Variants in CES3 observed in about 807,000 individuals in gnomAD.
CES3 encodes the protein carboxylesterase 3, also known as carboxylesterase 3 (brain).
Under a neutral mutation model 57.6 loss-of-function variants are expected in CES3, and 49 were observed. That is an observed-to-expected ratio of 0.85 (90% confidence interval 0.68 to 1.08). CES3 has a LOEUF of 1.08. Ranked by LOEUF, CES3 falls within the 50% of genes least tolerant of loss-of-function variation. The pLI is 0.00. For missense variants in CES3, 645 were observed against 742.0 expected (o/e 0.87, Z 1.52); for synonymous variants, 266 against 281.6 (o/e 0.94, Z 0.55).
intron 10 of CES3, 52 bp downstream of exon 10, chr16:66,971,371 C>G: frequency 6.3e-7 from 1 of 1,583,176 alleles, no homozygotes; most frequent in Non-Finnish European, 8.6e-7. Context: ...GGCCCAGGAG[C>G]TGGGTCATCA....
chr16:66,962,237 G>C (rs1017273849), intron 1 of CES3, among the ~76,000 whole-genome samples: 1 of 152,208 alleles, frequency 6.6e-6, no homozygotes, highest in African/African-American at 2.4e-5. Flanking sequence ...GCTGTATAAA[G>C]GAGGTGGTTG....
Position 66,974,992 on chromosome 16 carries a change from T to G in CES3, c.*1943T>G, listed in dbSNP as rs1045163952. The G allele has an allele frequency of 4.6e-5, 7 of 152,160 alleles. No homozygotes were observed. Among genetic ancestry groups the G allele is most frequent in the Non-Finnish European group, 7.3e-5 (5 of 68,054 alleles). The allele number at this position is 152,160 out of a possible 1,614,324, so 9.4% of individuals were successfully genotyped here. A position where few individuals can be genotyped will look rare whatever the true frequency, so the allele number is the denominator to read the frequency against. On this transcript the variant is annotated 3_prime_UTR_variant, in exon 13 of 13. Transcript: ENST00000303334. ...ACCCTGTCAAAACAGACCACTTGAC[T>G]CTCTGTAAAATGGACCAATCAGCAG...
At position 66,974,644 on chromosome 16, in the gene CES3, AC is replaced by A. The variant is rs1963907030; in HGVS notation, c.*1597del. On this transcript the variant is annotated 3_prime_UTR_variant, in exon 13 of 13. Coordinates refer to ENST00000303334, the MANE Select transcript of CES3 (RefSeq NM_024922.6). ...CAGCGCGGGACTGGCAGGCAGCTCC[AC>A]CTGCTGCCCCAGTGCTGGATCCACT... 6.5e-6 allele frequency: 1 copy of A among 154,478 alleles called. No individual in the cohort carries two copies. The highest frequency in any genetic ancestry group is 2.4e-5 in the African/African-American group (1 of 41,466). The allele number at this position is 154,478 out of a possible 1,614,324, so 9.6% of individuals were successfully genotyped here.
chr16:66,972,767 A>G, intron 12 of CES3, 21 bp downstream of exon 12: 1 of 1,614,190 alleles, frequency 6.2e-7, no homozygotes, highest in Middle Eastern at 1.6e-4. Context: ...GACAGGGCAT[A>G]GCTCGCTTTG....
rs1334685303 is a variant in CES3 at position 66,973,130 on chromosome 16, C to G, written c.*81C>G. The G allele has an allele frequency of 1.1e-5, 14 of 1,271,554 alleles. No individual in the cohort carries two copies. Among genetic ancestry groups the G allele is most frequent in the African/African-American group, 1.5e-5 (1 of 67,110 alleles). 78.8% of individuals were successfully genotyped at this position (1,271,554 alleles called of 1,614,324 possible). A position where few individuals can be genotyped will look rare whatever the true frequency, so the allele number is the denominator to read the frequency against. ...TCCCAGCACGGCAGCCCGCCTCTCC[C>G]CCTGCTGAGACTTTAATCTCCACCA... On this transcript the variant is annotated 3_prime_UTR_variant, in exon 13 of 13. Coordinates refer to ENST00000303334, the MANE Select transcript of CES3 (RefSeq NM_024922.6).
At position 66,972,688 on chromosome 16, in the gene CES3, G is replaced by A. The variant is rs1963859024; in HGVS notation, c.1462G>A (p.Glu488Lys). Residue 488 changes from glutamate to lysine, a missense_variant, in exon 12 of 13, where the codon GAG becomes AAG. By Grantham distance (56) the Glu-to-Lys change is moderately conservative. Transcript: ENST00000303334. ...TCCAGCCTTTCCAGAGGCCACAGAG[G>A]AGGAGAAGCAGCTAAGCCTCACCAT... ...SRLAFPEATE[E>K]EKQLSLTMMA... The A allele has an allele frequency of 2.5e-6, 4 of 1,614,204 alleles. No individual in the cohort carries two copies. Among genetic ancestry groups the A allele is most frequent in the Non-Finnish European group, 3.4e-6 (4 of 1,180,028 alleles).
At chr16:66,968,108 T>C (rs1008734496) in intron 8 of CES3, among the ~76,000 whole-genome samples, 1 of 152,140 alleles carries the variant, frequency 6.6e-6, no homozygotes, top group Non-Finnish European at 1.5e-5. Context: ...AGCGTCTCGT[T>C]ACATTGTTCT....
rs762013442 is a variant in CES3 at position 66,964,657 on chromosome 16, G to A, written c.749G>A (p.Arg250Lys). ...LSPVAAGLFHRAITQSGVITT... is the reference protein window; with the variant it reads ...LSPVAAGLFHKAITQSGVITT... ...CCAGTGGCTGCAGGGCTGTTCCACA[G>A]AGCCATCACACAGAGTGGGGTCATC... is the stretch of plus-strand genomic sequence containing the variant. Residue 250 changes from arginine to lysine, a missense_variant, in exon 6 of 13, where the codon AGA (arginine) becomes AAA (lysine). Coordinates refer to ENST00000303334, the MANE Select transcript of CES3 (RefSeq NM_024922.6). The A allele has an allele frequency of 1.2e-6, 2 of 1,613,974 alleles. No individual in the cohort carries two copies. The highest frequency in any genetic ancestry group is 8.5e-7 in the Non-Finnish European group (1 of 1,180,000).
chr16:66,970,919 C>T (rs919784402), intron 9 of CES3, among the ~76,000 whole-genome samples: 6 of 152,322 alleles, frequency 3.9e-5, no homozygotes, highest in African/African-American at 1.4e-4. Flanking sequence ...GGCTGCCAGG[C>T]AGAGACTGAC....
rs1963699540 is a variant in CES3, at chr16:66,964,374, C to T, written c.578C>T (p.Ala193Val). 1.9e-6 allele frequency: 3 copies of T among 1,613,804 alleles called. No individual in the cohort carries two copies. Among genetic ancestry groups the T allele is most frequent in the African/African-American group, 1.3e-5 (1 of 74,942 alleles). ...GCCCCCAGCACTGGAGATGAGCATG[C>T]ACCTGGCAACCAGGGCTTCCTAGAT... ...LGFFSTGDEH[A>V]PGNQGFLDVV... is the part of the protein sequence containing the mutation. The change falls in exon 5 of 13, where the codon GCA (alanine) becomes GTA (valine). Residue 193 changes from alanine (A) to valine (V), a missense_variant. Physicochemically the swap from Ala to Val is moderately conservative, Grantham distance 64. Transcript: ENST00000303334.
chr16:66,963,147 C>G lies in CES3; in HGVS notation c.83-32C>G. On this transcript the variant is annotated intron_variant, in intron 1 of 12. Coordinates refer to ENST00000303334, the MANE Select transcript of CES3 (RefSeq NM_024922.6). This position sits in a 1 kb window ranked among gnomAD's most constrained non-coding sequence, Gnocchi z 4.9. ...TCCTTCCCCTCATGGGGGCTGCAAACTCACCCCGTGGCCTTTCTGTCCTTC... is the reference window on the plus strand; with the variant it reads ...TCCTTCCCCTCATGGGGGCTGCAAAGTCACCCCGTGGCCTTTCTGTCCTTC... The G allele has an allele frequency of 6.8e-6, 11 of 1,610,020 alleles. No individual in the cohort carries two copies. Among genetic ancestry groups the G allele is most frequent in the Non-Finnish European group, 9.4e-6 (11 of 1,176,224 alleles).
At position 66,961,275 on chromosome 16, in the gene CES3, T is replaced by C; in HGVS notation, c.-33T>C. The C allele has an allele frequency of 6.3e-7, 1 of 1,579,548 alleles. No homozygotes were observed. The highest frequency in any genetic ancestry group is 8.7e-7 in the Non-Finnish European group (1 of 1,150,124). ...GAAGGGCAGGGATCTTATTCCACCT[T>C]CTGAAGCTTCTGTCGAACCAGTTGT... On this transcript the variant is annotated 5_prime_UTR_variant, in exon 1 of 13. Coordinates refer to ENST00000303334, the MANE Select transcript of CES3 (RefSeq NM_024922.6).
Position 66,963,606 on chromosome 16 carries a change from G to C in CES3, c.403G>C (p.Val135Leu). 6.2e-7 allele frequency: 1 copy of C among 1,614,180 alleles called. No individual in the cohort carries two copies. Among genetic ancestry groups the C allele is most frequent in the South Asian group, 1.1e-5 (1 of 91,084 alleles). The change falls in exon 3 of 13, where the codon GTC becomes CTC. Residue 135 changes from valine (V) to leucine (L), a missense_variant. Coordinates refer to ENST00000303334, the MANE Select transcript of CES3 (RefSeq NM_024922.6). The surrounding 1 kb of genome is among the most constrained non-coding windows in gnomAD (Gnocchi z 4.9). ...CCTCAACGTCTATAGCCCAGCTGAG[G>C]TCCCCGCAGGGTCCGGTAGGCCGGT... The part of the protein sequence containing the change: ...LVLNVYSPAE[V>L]PAGSGRPVMV...
In CES3 at chr16:66,974,985, A is replaced by G. The variant is rs1400972790; in HGVS notation, c.*1936A>G. ...AATCAGCACCCTGTCAAAACAGACC[A>G]CTTGACTCTCTGTAAAATGGACCAA... On this transcript the variant is annotated 3_prime_UTR_variant, in exon 13 of 13. Transcript: ENST00000303334. 1 of 152,214 alleles carries G rather than the reference A, an allele frequency of 6.6e-6. No homozygotes were observed. The highest frequency in any genetic ancestry group is 2.4e-5 in the African/African-American group (1 of 41,442). 9.4% of individuals were successfully genotyped at this position (152,214 alleles called of 1,614,324 possible). A position where few individuals can be genotyped will look rare whatever the true frequency, so the allele number is the denominator to read the frequency against.
In CES3 at chr16:66,963,173, C is replaced by T. The variant is rs367553754; in HGVS notation, c.83-6C>T. The T allele has an allele frequency of 1.3e-5, 21 of 1,614,224 alleles. No homozygotes were observed. The highest frequency in any genetic ancestry group is 1.6e-4 in the Middle Eastern group (1 of 6,062). On this transcript the variant is annotated splice_polypyrimidine_tract_variant and splice_region_variant and intron_variant, in intron 1 of 12. Transcript: ENST00000303334. This position sits in a 1 kb window ranked among gnomAD's most constrained non-coding sequence, Gnocchi z 4.9. Reference sequence around the variant, plus strand: ...TCACCCCGTGGCCTTTCTGTCCTTCCCTCAGGGCCCGAAGTTGCTCAGCCT... The same window carrying T: ...TCACCCCGTGGCCTTTCTGTCCTTCTCTCAGGGCCCGAAGTTGCTCAGCCT...
At chr16:66,962,427 G>T (rs960618187) in intron 1 of CES3, among the ~76,000 whole-genome samples, 1 of 152,234 alleles carries the variant, frequency 6.6e-6, no homozygotes, top group Non-Finnish European at 1.5e-5. Context: ...ACAAAGAAAA[G>T]AAGTTTAGTT....
chr16:66,971,327 T>A lies in CES3; in HGVS notation c.1291+8T>A. On this transcript the variant is annotated splice_region_variant and intron_variant, in intron 10 of 12. Transcript: ENST00000303334. ...TTTCAAGATACCTTCGAGGTAAGCC[T>A]GTCCCTGGCCACCTGCCCAACCCCT... is the stretch of plus-strand genomic sequence containing the variant. 1.2e-6 allele frequency: 2 copies of A among 1,610,720 alleles called. No homozygotes were observed. Among genetic ancestry groups the A allele is most frequent in the South Asian group, 2.2e-5 (2 of 90,662 alleles).
Position 66,964,354 on chromosome 16 carries a change from C to A in CES3, c.561-3C>A. On this transcript the variant is annotated splice_polypyrimidine_tract_variant and splice_region_variant and intron_variant, in intron 4 of 12. Transcript: ENST00000303334. ...CTAACCGTTGCCCCAACACTGCCCC[C>A]AGCACTGGAGATGAGCATGCACCTG... The A allele has an allele frequency of 6.2e-7, 1 of 1,613,436 alleles. No individual in the cohort carries two copies. The highest frequency in any genetic ancestry group is 1.1e-5 in the South Asian group (1 of 90,994).
At chr16:66,971,405 G>A (rs961353812) in intron 10 of CES3, 86 bp downstream of exon 10, 2 of 1,436,272 alleles carry the variant, frequency 1.4e-6, no homozygotes, top group African/African-American at 1.4e-5. Flanking sequence ...ATGATAGGGT[G>A]CTGGTTCCCT....
Sources: gnomAD v4.1 joint callset for allele counts (sites outside exome capture counted in the v4.1 genomes callset) on GRCh38, gnomAD v4.1.1 for gene constraint, Gnocchi (gnomAD v3.1) non-coding constraint, MANE v1.5 for transcripts, NCBI Gene and HGNC (gene_info 2026-07-23, HGNC 2026-07-21) for gene names.